NLRP8: variants seen among roughly 807,000 people sequenced by gnomAD.
The protein encoded by NLRP8 is NLR family pyrin domain containing 8, also known as NACHT, LRR and PYD domains-containing protein 8.
NLRP8 carries 86 observed loss-of-function variants against 88.7 expected under a neutral mutation model. The observed-to-expected ratio is 0.97, with a 90% CI of 0.81 to 1.16. The LOEUF (loss-of-function observed/expected upper bound fraction) is 1.16. Ranked by LOEUF, NLRP8 falls within the 50% of genes most tolerant of loss-of-function variation. The probability of loss-of-function intolerance (pLI) is 0.00; values close to 1 mark genes in which losing one functional copy is unlikely to be tolerated. For synonymous variants in NLRP8, 504 were observed against 494.6 expected (o/e 1.02, Z -0.25); for missense variants, 1,342 against 1,286.5 (o/e 1.04, Z -0.66).
At chr19:55,951,659 T>C (rs569746458) in intron 1 of NLRP8, among the ~76,000 whole-genome samples, 1 of 152,368 alleles carries the variant, frequency 6.6e-6, no homozygotes, top group Admixed American at 6.5e-5. Flanking sequence ...ATAGAACCCA[T>C]ACACATCCTC....
chr19:55,969,749 C>T (rs140886109), intron 5 of NLRP8, among the ~76,000 whole-genome samples: 2 of 152,240 alleles, frequency 1.3e-5, no homozygotes, highest in Admixed American at 1.3e-4. Flanking sequence ...CATCTGCCAG[C>T]GTTGCTCCTT....
Position 55,956,110 on chromosome 19 carries a change from T to TA in NLRP8, c.2042+10_2042+11insA. ...CCCATCCTGGCTCTGAGTAAGTGCT[T>TA]CGGTCCCTCCTTGGGTAGCCCGTCC... On this transcript the variant is annotated intron_variant, in intron 3 of 9. Transcript: ENST00000291971. 6.2e-7 allele frequency: 1 copy of TA among 1,605,812 alleles called. No individual in the cohort carries two copies. Among genetic ancestry groups the TA allele is most frequent in the Non-Finnish European group, 8.5e-7 (1 of 1,175,302 alleles).
At chr19:55,949,676 A>C (rs896059111) in intron 1 of NLRP8, among the ~76,000 whole-genome samples, 1 of 152,322 alleles carries the variant, frequency 6.6e-6, no homozygotes, top group African/African-American at 2.4e-5. Flanking sequence ...CCAATCCAGA[A>C]ACATGATAGG....
In NLRP8 at chr19:55,955,209, T is replaced by C. The variant is rs1024631380; in HGVS notation, c.1151T>C (p.Met384Thr). The C allele has an allele frequency of 1.9e-6, 3 of 1,614,182 alleles. No individual in the cohort carries two copies. The highest frequency in any genetic ancestry group is 2.5e-6 in the Non-Finnish European group (3 of 1,180,022). The change falls in exon 3 of 10, where the codon ATG (methionine) becomes ACG (threonine). Residue 384 changes from methionine to threonine, a missense_variant. Coordinates refer to ENST00000291971, the MANE Select transcript of NLRP8 (RefSeq NM_176811.2). ...GGAGACCAAGTCTTGAGTTTCGCCA[T>C]GGAAAACACCATTCTCTTCTCCATG...
rs746684109 is a variant in NLRP8 at position 55,955,284 on chromosome 19, A to T, written c.1226A>T (p.Gln409Leu). ...ATGGTCTGCTCTGGTCTGAAACAGC[A>T]AATGGAGAGAGGAAACAATCTCACA... Residue 409 changes from glutamine to leucine, a missense_variant, in exon 3 of 10, where the codon CAA becomes CTA. Transcript: ENST00000291971. 1.2e-6 allele frequency: 2 copies of T among 1,614,186 alleles called. No homozygotes were observed. Among genetic ancestry groups the T allele is most frequent in the South Asian group, 2.2e-5 (2 of 91,084 alleles).
chr19:55,948,427 G>A (rs1225809847), intron 1 of NLRP8, among the ~76,000 whole-genome samples, 158 bp downstream of exon 1: 2 of 151,942 alleles, frequency 1.3e-5, no homozygotes, highest in Non-Finnish European at 2.9e-5. Flanking sequence ...ACTGTCATAC[G>A]GGCATTTTTT....
At chr19:55,987,648 A>G (rs185538929) in intron 9 of NLRP8, among the ~76,000 whole-genome samples, 32 of 152,316 alleles carry the variant, frequency 2.1e-4, no homozygotes, top group Admixed American at 1.4e-3. Flanking sequence ...TTCAAGCCCT[A>G]TAATCTTAAC....
chr19:55,965,522 C>T (rs1482275977), intron 4 of NLRP8, among the ~76,000 whole-genome samples: 1 of 151,792 alleles, frequency 6.6e-6, no homozygotes, highest in African/African-American at 2.4e-5. Context: ...AAACCAAAAG[C>T]ATGATTTTAG....
Position 55,962,143 on chromosome 19 carries a change from G to T in NLRP8, c.2119G>T (p.Val707Phe), listed in dbSNP as rs1362488278. The T allele has an allele frequency of 6.2e-7, 1 of 1,614,226 alleles. No individual in the cohort carries two copies. Among genetic ancestry groups the T allele is most frequent in the Non-Finnish European group, 8.5e-7 (1 of 1,180,030 alleles). Residue 707 changes from valine (V) to phenylalanine (F), a missense_variant, in exon 4 of 10, where the codon GTC (valine) becomes TTC (phenylalanine). Val to Phe is a conservative substitution (Grantham distance 50). Coordinates refer to ENST00000291971, the MANE Select transcript of NLRP8 (RefSeq NM_176811.2). ...GTTTGCAACGAATGATAAGCTGGAAGTCCTGACTATGACCAACAGTGTTTT... is the reference window on the plus strand; with the variant it reads ...GTTTGCAACGAATGATAAGCTGGAATTCCTGACTATGACCAACAGTGTTTT...
intron 1 of NLRP8, among the ~76,000 whole-genome samples, chr19:55,951,924 A>AT (rs910972217): frequency 2.6e-5 from 4 of 151,068 alleles, no homozygotes; most frequent in Non-Finnish European, 5.9e-5. Flanking sequence ...ATTATTTTTT[A>AT]TTTTTTTAGT....
intron 4 of NLRP8, among the ~76,000 whole-genome samples, chr19:55,965,902 G>A (rs760484143): frequency 6.6e-5 from 10 of 150,444 alleles, no homozygotes; most frequent in East Asian, 3.9e-4. Context: ...GAGAACATGC[G>A]GTGTTTGGTT....
intron 2 of NLRP8, among the ~76,000 whole-genome samples, chr19:55,954,137 C>T (rs373318516): frequency 2.0e-4 from 30 of 152,024 alleles, no homozygotes; most frequent in African/African-American, 6.3e-4. Context: ...GGAGATAACA[C>T]GGCTAACACT....
intron 4 of NLRP8, 33 bp downstream of exon 4, chr19:55,962,270 T>C (rs1979648272): frequency 3.1e-6 from 5 of 1,593,884 alleles, no homozygotes; most frequent in Non-Finnish European, 2.6e-6. Flanking sequence ...TGGAAGGAAC[T>C]TTATGGAGAT....
rs1366542589 is a variant in NLRP8 at position 55,967,268 on chromosome 19, A to C, written c.2381+888A>C. On this transcript the variant is annotated intron_variant, in intron 5 of 9. Coordinates refer to ENST00000291971, the MANE Select transcript of NLRP8 (RefSeq NM_176811.2). ...AGCAGTGAGATATAAATAACTCCCAAGTGCTTAGCATTCCAATAATGGAAT... is the reference window on the plus strand; with the variant it reads ...AGCAGTGAGATATAAATAACTCCCACGTGCTTAGCATTCCAATAATGGAAT... 2.0e-5 allele frequency among the ~76,000 whole-genome samples: 3 copies of C among 152,336 alleles called. No homozygotes were observed. In the South Asian group the frequency reaches 6.2e-4, roughly 32 times the overall value.
chr19:55,966,717 G>A (rs1292230377), intron 5 of NLRP8, among the ~76,000 whole-genome samples: 4 of 152,156 alleles, frequency 2.6e-5, no homozygotes, highest in African/African-American at 9.7e-5. Flanking sequence ...TCGGGAGGCT[G>A]AGGCAGGATA....
chr19:55,954,393 A>G lies in NLRP8; in HGVS notation c.443-108A>G, dbSNP rs528146323. The G allele has an allele frequency of 1.4e-4, 152 of 1,090,484 alleles. 1 individual carries two copies. The highest frequency in any genetic ancestry group is 2.0e-4 in the Non-Finnish European group (146 of 745,740). 67.6% of individuals were successfully genotyped at this position (1,090,484 alleles called of 1,614,324 possible). On this transcript the variant is annotated intron_variant, in intron 2 of 9. Coordinates refer to ENST00000291971, the MANE Select transcript of NLRP8 (RefSeq NM_176811.2). ...AAGGTTATTTCATTTATGCAAGGGC[A>G]TCACGGGGCTTCACGTAGACATCGA...
chr19:55,954,538 G>C lies in NLRP8; in HGVS notation c.480G>C (p.Lys160Asn). The change falls in exon 3 of 10, where the codon AAG becomes AAC. Residue 160 changes from lysine to asparagine, a missense_variant. Transcript: ENST00000291971. ...GGTATAAATCGAATGTGATGGAAAA[G>C]TTTTTCCCCATATGGGACATTACGA... 6.2e-7 allele frequency: 1 copy of C among 1,613,874 alleles called. No individual in the cohort carries two copies. Among genetic ancestry groups the C allele is most frequent in the Non-Finnish European group, 8.5e-7 (1 of 1,179,960 alleles).
At chr19:55,963,829 A>G (rs1979719165) in intron 4 of NLRP8, among the ~76,000 whole-genome samples, 1 of 152,156 alleles carries the variant, frequency 6.6e-6, no homozygotes, top group Admixed American at 6.5e-5. Flanking sequence ...TGCTGGGATT[A>G]TAGGTGTGAG....
intron 4 of NLRP8, among the ~76,000 whole-genome samples, chr19:55,965,626 G>A (rs1344437966): frequency 6.6e-6 from 1 of 151,534 alleles, no homozygotes. Context: ...CAGTCCAATC[G>A]AATTCTGATC....
Sources: gnomAD v4.1 joint callset for allele counts (sites outside exome capture counted in the v4.1 genomes callset) on GRCh38, gnomAD v4.1.1 for gene constraint, MANE v1.5 for transcripts, NCBI Gene and HGNC (gene_info 2026-07-23, HGNC 2026-07-21) for gene names.